Variants in SH3BP2 observed in about 807,000 individuals in gnomAD.
SH3BP2 encodes SH3 domain binding protein 2.
SH3BP2 carries 38 observed loss-of-function variants against 56.2 expected under a neutral mutation model. That is an observed-to-expected ratio of 0.68 (90% CI 0.52 to 0.89). SH3BP2 has a LOEUF of 0.89. SH3BP2 is among the 40% of genes least tolerant of loss of function. SH3BP2 has a pLI of 0.00. For missense variants in SH3BP2, 748 were observed against 762.6 expected, an observed-to-expected ratio of 0.98 and a Z score of 0.23; for synonymous variants, 346 against 316.7, an observed-to-expected ratio of 1.09 and a Z score of -0.98.
chr4:2,802,844 G>A (rs1723367803), intron 1 of SH3BP2, among the ~76,000 whole-genome samples: 1 of 152,198 alleles, frequency 6.6e-6, no homozygotes. Context: ...CAGCCTTGGT[G>A]GGTCCCAGCC....
Position 2,821,409 on chromosome 4 carries a change from C to T in SH3BP2, c.136+656C>T, listed in dbSNP as rs543466782. Among the ~76,000 whole-genome samples the T allele has an allele frequency of 7.2e-5, 11 of 152,328 alleles. No individual in the cohort carries two copies. In the South Asian group the frequency reaches 2.1e-3, roughly 29 times the overall value. The stretch of plus-strand genomic sequence containing the variant: ...CTGTTCTCCTCTTTGCACAGACAGC[C>T]TCCTTGGAGGAGCTGTAACTGGCTT... On this transcript the variant is annotated intron_variant, in intron 2 of 12. Coordinates refer to ENST00000503393, the MANE Select transcript of SH3BP2 (RefSeq NM_001122681.2).
chr4:2,823,526 G>T, intron 3 of SH3BP2: 1 of 456,506 alleles, frequency 2.2e-6, no homozygotes, highest in Non-Finnish European at 4.4e-6. Context: ...GCTCTATCCA[G>T]TGATGGGCCA....
intron 1 of SH3BP2, among the ~76,000 whole-genome samples, chr4:2,809,476 C>G (rs1390829117): frequency 4.6e-5 from 7 of 152,126 alleles, no homozygotes; most frequent in Admixed American, 6.5e-5. Context: ...TGTTCAGCAC[C>G]TGAGCCTCTC....
intron 1 of SH3BP2, among the ~76,000 whole-genome samples, chr4:2,815,184 C>G (rs982438716): frequency 3.9e-5 from 6 of 152,250 alleles, no homozygotes; most frequent in African/African-American, 1.4e-4. Flanking sequence ...CCTTTCTGCT[C>G]TCAGCCTGGC....
At position 2,828,911 on chromosome 4, in the gene SH3BP2, A is replaced by G. The variant is rs527668870; in HGVS notation, c.587-582A>G. ...TCTCCTCAGCTCCTGTGCTGGCCCC[A>G]TGAGGGATACCCGGGACTCAGACCT... On this transcript the variant is annotated intron_variant, in intron 7 of 12. Transcript: ENST00000503393. 5.9e-5 allele frequency among the ~76,000 whole-genome samples: 9 copies of G among 152,138 alleles called. No individual in the cohort carries two copies. In the East Asian group the frequency reaches 1.5e-3, roughly 26 times the overall value.
intron 1 of SH3BP2, among the ~76,000 whole-genome samples, chr4:2,797,212 GC>G: frequency 6.6e-6 from 1 of 152,302 alleles, no homozygotes; most frequent in Middle Eastern, 3.4e-3. Flanking sequence ...GCTGCTGGCT[GC>G]CCCTGGACAA....
intron 1 of SH3BP2, among the ~76,000 whole-genome samples, chr4:2,801,310 A>G (rs1723272290): frequency 6.6e-6 from 1 of 152,218 alleles, no homozygotes; most frequent in South Asian, 2.1e-4. Context: ...GGGTGAGGAC[A>G]GGAGCCAGCG....
At position 2,813,734 on chromosome 4, in the gene SH3BP2, C is replaced by CA. The variant is rs543101063; in HGVS notation, c.-4-6879dup. Among the ~76,000 whole-genome samples, 35 of 152,206 alleles carry CA rather than the reference C, an allele frequency of 2.3e-4. No homozygotes were observed. The South Asian group carries it at 3.1e-3, about 14-fold the overall frequency. On this transcript the variant is annotated intron_variant, in intron 1 of 12. Coordinates refer to ENST00000503393, the MANE Select transcript of SH3BP2 (RefSeq NM_001122681.2). ...TGTGATGAATGTGTATATCAGTATA[C>CA]ATATGGGTGTGAGTGTGCACGTATG... is the stretch of plus-strand genomic sequence containing the variant.
In SH3BP2 at chr4:2,810,245, G is replaced by C. The variant is rs1723689867; in HGVS notation, c.-4-10369G>C. Among the ~76,000 whole-genome samples the C allele has an allele frequency of 6.6e-6, 1 of 151,924 alleles. No individual in the cohort carries two copies. The highest frequency in any genetic ancestry group is 2.1e-4 in the South Asian group (1 of 4,828). On this transcript the variant is annotated intron_variant, in intron 1 of 12. Transcript: ENST00000503393. This position sits in a 1 kb window ranked among gnomAD's most constrained non-coding sequence, Gnocchi z 4.2. ...CTCTGGGAAGATAGGGTTGGGGAAGGGGCTGGTGTGGATTTGTCCCCCACC... is the reference window on the plus strand; with the variant it reads ...CTCTGGGAAGATAGGGTTGGGGAAGCGGCTGGTGTGGATTTGTCCCCCACC...
At chr4:2,832,947 C>A (rs1238201313) in intron 11 of SH3BP2, 43 bp from the exon 12 acceptor site, 1 of 1,602,816 alleles carries the variant, frequency 6.2e-7, no homozygotes. Context: ...GCTGGTCCCG[C>A]TGTTTCTCAG....
rs148761331 is a variant in SH3BP2 at position 2,832,353 on chromosome 4, C to T, written c.1429C>T (p.Arg477Trp). Residue 477 changes from arginine to tryptophan, a missense_variant, in exon 11 of 13, where the codon CGG becomes TGG. Arg to Trp is a moderately radical substitution (Grantham distance 101). Transcript: ENST00000503393. ...TAGGTTGTTCAAGGCTACAAGCCCC[C>T]GGGGAGAGCCCCAGGATGGACTCTA... ...VERLFKATSPRGEPQDGLYCI... is the reference protein window; with the variant it reads ...VERLFKATSPWGEPQDGLYCI... The T allele has an allele frequency of 4.5e-3, 7,287 of 1,613,938 alleles. 34 individuals are homozygous for T. Among genetic ancestry groups the T allele is most frequent in the South Asian group, 0.014 (1,282 of 91,076 alleles).
At chr4:2,806,459 T>C (rs1723538867) in intron 1 of SH3BP2, among the ~76,000 whole-genome samples, 1 of 152,166 alleles carries the variant, frequency 6.6e-6, no homozygotes, top group African/African-American at 2.4e-5. Context: ...AACTCGTCAG[T>C]GTTTGTGAAG....
intron 1 of SH3BP2, among the ~76,000 whole-genome samples, chr4:2,800,756 C>T (rs547003719): frequency 6.6e-5 from 10 of 152,222 alleles, no homozygotes; most frequent in African/African-American, 1.7e-4. Flanking sequence ...TGGCCTGGAG[C>T]GCCATCCCCA....
At chr4:2,805,825 G>C (rs1327152445) in intron 1 of SH3BP2, among the ~76,000 whole-genome samples, 1 of 152,196 alleles carries the variant, frequency 6.6e-6, no homozygotes, top group African/African-American at 2.4e-5. Context: ...CGGGGCAGAG[G>C]AGGTGGAGAG....
In SH3BP2 at chr4:2,831,545, C is replaced by T; in HGVS notation, c.1242-26C>T. 1.3e-6 allele frequency: 2 copies of T among 1,531,294 alleles called. No individual in the cohort carries two copies. The highest frequency in any genetic ancestry group is 1.2e-5 in the South Asian group (1 of 84,134). 94.9% of individuals were successfully genotyped at this position (1,531,294 alleles called of 1,614,324 possible). On this transcript the variant is annotated intron_variant, in intron 8 of 12. Transcript: ENST00000503393. This position sits in a 1 kb window ranked among gnomAD's most constrained non-coding sequence, Gnocchi z 4.1. Reference sequence around the variant, plus strand: ...CCCCGTGTCTGACAGTGAAATGGTCCTGCCTTCCTCTCCCTGCCCCTCCAG... The same window carrying T: ...CCCCGTGTCTGACAGTGAAATGGTCTTGCCTTCCTCTCCCTGCCCCTCCAG...
At chr4:2,821,673 G>A (rs1007343379) in intron 2 of SH3BP2, among the ~76,000 whole-genome samples, 4 of 151,808 alleles carry the variant, frequency 2.6e-5, no homozygotes, top group Non-Finnish European at 5.9e-5. Flanking sequence ...GATCCCCTCA[G>A]CTGGGACTAC....
In SH3BP2 at chr4:2,829,661, AG is replaced by A. The variant is rs1230085473; in HGVS notation, c.757del (p.Asp253ThrfsTer25). 6.2e-7 allele frequency: 1 copy of A among 1,612,604 alleles called. No homozygotes were observed. The highest frequency in any genetic ancestry group is 2.2e-5 in the East Asian group (1 of 44,834). ...CTCCCAGATGTTGGCCTGGCTGCTG[AG>A]GACTCCAAGAGGGACCCACTGTGCC... ...HGLPDVGLAA[E>X]DSKRDPLCPR... On this transcript the variant is annotated frameshift_variant, in exon 8 of 13. Coordinates refer to ENST00000503393, the MANE Select transcript of SH3BP2 (RefSeq NM_001122681.2). LOFTEE classifies it high-confidence loss of function. The surrounding 1 kb of genome is among the most constrained non-coding windows in gnomAD (Gnocchi z 4.9).
intron 1 of SH3BP2, among the ~76,000 whole-genome samples, chr4:2,816,560 A>T (rs986463087): frequency 2.6e-5 from 4 of 152,190 alleles, no homozygotes; most frequent in African/African-American, 7.2e-5. Context: ...TTTTACCACT[A>T]GGTATGTTAG....
chr4:2,803,631 C>T (rs1723404584), intron 1 of SH3BP2, among the ~76,000 whole-genome samples: 1 of 152,202 alleles, frequency 6.6e-6, no homozygotes, highest in Admixed American at 6.5e-5. Context: ...GAGATGCTGT[C>T]TGCCTCACCT....
Sources: allele counts gnomAD v4.1 joint callset (sites outside exome capture counted in the v4.1 genomes callset), GRCh38; gene constraint gnomAD v4.1.1; non-coding constraint Gnocchi (gnomAD v3.1); transcripts MANE v1.5; gene names NCBI Gene and HGNC (gene_info 2026-07-23, HGNC 2026-07-21).